The following HK2 variants were observed in gnomAD, a reference collection of about 807,000 sequenced individuals.
The protein encoded by HK2 is hexokinase 2.
HK2 carries 42 observed loss-of-function variants against 92.9 expected under a neutral mutation model. The ratio of observed to expected loss-of-function variants is 0.45; its 90% CI spans 0.35 to 0.58. HK2 has a LOEUF of 0.58. Among genes scored for constraint, HK2 ranks in the 20% least tolerant of loss-of-function variants. HK2 has a pLI of 0.00. For missense variants in HK2, 978 were observed against 1,245.1 expected (o/e 0.79, Z 3.23); for synonymous variants, 422 against 468.0 (o/e 0.90, Z 1.27).
chr2:74,869,216 TGAAAA>T, intron 3 of HK2, among the ~76,000 whole-genome samples: 1 of 151,736 alleles, frequency 6.6e-6, no homozygotes, highest in Non-Finnish European at 1.5e-5. Context: ...TATTTAAAAA[TGAAAA>T]GGAAAGAAAG....
rs56397042 is a variant in HK2 at position 74,850,106 on chromosome 2, G to A, written c.64-4187G>A. 6.7e-3 allele frequency among the ~76,000 whole-genome samples: 1,020 copies of A among 152,348 alleles called. 2 individuals carry two copies. The highest frequency in any genetic ancestry group is 0.014 in the Middle Eastern group (4 of 294). On this transcript the variant is annotated intron_variant, in intron 1 of 17. Coordinates refer to ENST00000290573, the MANE Select transcript of HK2 (RefSeq NM_000189.5). ...TCCAGGCAGAAAAGTGATATGCAGT[G>A]TTGATCAGAACAGGGCCAACCACGA...
At chr2:74,840,601 C>T (rs551257102) in intron 1 of HK2, among the ~76,000 whole-genome samples, 6 of 151,262 alleles carry the variant, frequency 4.0e-5, no homozygotes, top group African/African-American at 4.9e-5. Context: ...GGCGCGGTGG[C>T]TCACGCCTGT....
rs1689414737 is a variant in HK2, at chr2:74,882,240, G to A, written c.1839+1G>A. On this transcript the variant is annotated splice_donor_variant, in intron 12 of 17. Transcript: ENST00000290573. LOFTEE classifies it high-confidence loss of function. ...CTGCCAGCAGAACAGCCTGGACGAG[G>A]TAACAGCACCTTCCTGGAGGGCTCT... 1.2e-6 allele frequency: 2 copies of A among 1,613,912 alleles called. No individual in the cohort carries two copies. Among genetic ancestry groups the A allele is most frequent in the Admixed American group, 1.7e-5 (1 of 60,000 alleles).
intron 1 of HK2, among the ~76,000 whole-genome samples, chr2:74,846,228 CTTTG>C (rs544091771): frequency 5.9e-5 from 9 of 152,342 alleles, no homozygotes; most frequent in Non-Finnish European, 8.8e-5. Context: ...ATGGATCTCT[CTTTG>C]TTTGGCCTCT....
chr2:74,864,493 T>C (rs1469303340), intron 2 of HK2, among the ~76,000 whole-genome samples: 1 of 149,992 alleles, frequency 6.7e-6, no homozygotes, highest in East Asian at 2.0e-4. Context: ...GTTTCTTCTT[T>C]GTTGTTGTTG....
chr2:74,887,459 T>C (rs1368361845), intron 15 of HK2, among the ~76,000 whole-genome samples: 2 of 151,882 alleles, frequency 1.3e-5, no homozygotes, highest in Non-Finnish European at 2.9e-5. Context: ...CTGGCAGTAG[T>C]TACTTGAGTA....
chr2:74,862,274 C>T (rs1234460131), intron 2 of HK2, among the ~76,000 whole-genome samples: 2 of 152,334 alleles, frequency 1.3e-5, no homozygotes, highest in East Asian at 1.9e-4. Flanking sequence ...TTGCTAATGC[C>T]TGGGCTTTTA....
At chr2:74,845,220 G>A (rs185118049) in intron 1 of HK2, among the ~76,000 whole-genome samples, 15 of 152,330 alleles carry the variant, frequency 9.8e-5, no homozygotes, top group African/African-American at 3.6e-4. Flanking sequence ...ACTTGTTAAT[G>A]TATCTGTCTT....
intron 3 of HK2, among the ~76,000 whole-genome samples, chr2:74,869,788 A>C (rs1573377211): frequency 6.6e-6 from 1 of 152,254 alleles, no homozygotes; most frequent in East Asian, 1.9e-4. Flanking sequence ...TTGTCTTCCA[A>C]TTCAAGGAAG....
intron 1 of HK2, among the ~76,000 whole-genome samples, chr2:74,853,480 C>T (rs1168146369): frequency 2.0e-5 from 3 of 151,618 alleles, no homozygotes; most frequent in Non-Finnish European, 4.4e-5. Flanking sequence ...TTGCGCCACT[C>T]TACTCCAGCC....
chr2:74,835,542 A>T (rs1018138808), intron 1 of HK2, among the ~76,000 whole-genome samples: 1 of 148,890 alleles, frequency 6.7e-6, no homozygotes, highest in Admixed American at 6.7e-5. Context: ...CGGCCGGGTC[A>T]TTTACATAAG....
chr2:74,843,426 A>G (rs1028000117), intron 1 of HK2, among the ~76,000 whole-genome samples: 1 of 152,188 alleles, frequency 6.6e-6, no homozygotes, highest in Non-Finnish European at 1.5e-5. Context: ...TCCTGTGAAC[A>G]GAGAATCTCA....
chr2:74,851,365 T>C (rs570352743), intron 1 of HK2, among the ~76,000 whole-genome samples: 2 of 152,346 alleles, frequency 1.3e-5, no homozygotes, highest in East Asian at 3.9e-4. Context: ...CATCTGTCAT[T>C]GAACATGTGG....
At chr2:74,889,580 C>G (rs1046800309) in intron 17 of HK2, 102 bp downstream of exon 17, 24 of 830,438 alleles carry the variant, frequency 2.9e-5, no homozygotes, top group Non-Finnish European at 4.9e-5. Flanking sequence ...GAATTATCAG[C>G]CATTCCAAAT....
At chr2:74,853,394 G>GTAATCCCAGCTAC (rs1428684675) in intron 1 of HK2, among the ~76,000 whole-genome samples, 1 of 152,002 alleles carries the variant, frequency 6.6e-6, no homozygotes, top group Non-Finnish European at 1.5e-5. Context: ...GTGCACCGCT[G>GTAATCCCAGCTAC]TAATCCCAGC....
At chr2:74,872,569 TG>T (rs1689122059) in intron 4 of HK2, 150 bp downstream of exon 4, 3 of 552,830 alleles carry the variant, frequency 5.4e-6, no homozygotes, top group South Asian at 2.9e-5. Context: ...TGTATGTCGA[TG>T]GGGGGGCTGG....
intron 5 of HK2, among the ~76,000 whole-genome samples, 188 bp downstream of exon 5, chr2:74,873,559 G>T (rs930459032): frequency 1.3e-5 from 2 of 152,098 alleles, no homozygotes; most frequent in African/African-American, 4.8e-5. Flanking sequence ...ATTATCAAAT[G>T]GATAAATAAT....
intron 9 of HK2, 74 bp from the exon 10 acceptor site, chr2:74,880,191 G>T: frequency 6.5e-7 from 1 of 1,532,996 alleles, no homozygotes; most frequent in Non-Finnish European, 9.0e-7. Flanking sequence ...AAGGCGGTGG[G>T]CAACTGTCTA....
intron 2 of HK2, among the ~76,000 whole-genome samples, chr2:74,865,163 G>A (rs946441173): frequency 2.0e-5 from 3 of 152,154 alleles, no homozygotes; most frequent in Non-Finnish European, 2.9e-5. Flanking sequence ...GGCTTCCTAT[G>A]TGTGTGGAGG....
Sources: gnomAD v4.1 joint callset for allele counts (sites outside exome capture counted in the v4.1 genomes callset) on GRCh38, gnomAD v4.1.1 for gene constraint, MANE v1.5 for transcripts, NCBI Gene and HGNC (gene_info 2026-07-23, HGNC 2026-07-21) for gene names.